Variants in DLGAP2 observed in about 807,000 individuals in gnomAD.
DLGAP2 encodes the protein DLG associated protein 2, also known as disks large-associated protein 2.
A neutral mutation model predicts 100.3 loss-of-function variants in DLGAP2; 26 were observed. That is an observed-to-expected ratio of 0.26 (90% CI 0.19 to 0.36). The LOEUF (loss-of-function observed/expected upper bound fraction) is 0.36, where lower values mean the gene tolerates loss of function less well. Ranked by LOEUF, DLGAP2 falls within the 10% of genes least tolerant of loss-of-function variation. DLGAP2 has a pLI of 1.00. For synonymous variants in DLGAP2, 886 were observed against 630.1 expected, an observed-to-expected ratio of 1.41 and a Z score of -6.08; for missense variants, 1,858 against 1,453.2, an observed-to-expected ratio of 1.28 and a Z score of -4.53.
chr8:1,022,763 G>C (rs958128968), intron 2 of DLGAP2, among the ~76,000 whole-genome samples: 2 of 151,148 alleles, frequency 1.3e-5, no homozygotes, highest in Non-Finnish European at 3.0e-5. Flanking sequence ...CCCTCCCTGG[G>C]AGTGGACAGT....
intron 3 of DLGAP2, among the ~76,000 whole-genome samples, chr8:1,268,110 G>C (rs1332601285): frequency 6.6e-6 from 1 of 152,142 alleles, no homozygotes; most frequent in Admixed American, 6.5e-5. Context: ...ATAAACCCTA[G>C]TTTGCAAATT....
chr8:1,389,413 G>A (rs1232831934), intron 3 of DLGAP2, among the ~76,000 whole-genome samples: 1 of 152,098 alleles, frequency 6.6e-6, no homozygotes, highest in Non-Finnish European at 1.5e-5. Context: ...GGCGAAGCTT[G>A]GAATGATAAC....
chr8:1,297,729 C>T (rs555843204), intron 3 of DLGAP2, among the ~76,000 whole-genome samples: 6 of 116,104 alleles, frequency 5.2e-5, no homozygotes, highest in African/African-American at 1.8e-4. Context: ...ACGTGGCAGG[C>T]GTGAACAGAC....
chr8:1,329,916 C>T (rs573720539), intron 3 of DLGAP2, among the ~76,000 whole-genome samples: 166 of 152,320 alleles, frequency 1.1e-3, no homozygotes, highest in African/African-American at 3.4e-3. Context: ...AAGCTGCAGC[C>T]GCCCTGCCGT....
intron 1 of DLGAP2, among the ~76,000 whole-genome samples, chr8:876,873 C>T (rs1797695238): frequency 1.3e-5 from 2 of 151,786 alleles, no homozygotes; most frequent in Admixed American, 1.3e-4. Flanking sequence ...ATCTGTTTTG[C>T]AGTTTGCTTA....
At chr8:959,378 A>C (rs2129009559) in intron 2 of DLGAP2, among the ~76,000 whole-genome samples, 1 of 152,328 alleles carries the variant, frequency 6.6e-6, no homozygotes, top group South Asian at 2.1e-4. Flanking sequence ...TGGGTCCCTC[A>C]GAGAAACGGC....
intron 3 of DLGAP2, among the ~76,000 whole-genome samples, chr8:1,291,777 G>C (rs4141053): frequency 0.18 from 27,317 of 152,048 alleles, 2,998 homozygotes; most frequent in East Asian, 0.25. Flanking sequence ...GCCCCCGGGG[G>C]CCAGTTTTCA....
rs530541724 is a variant in DLGAP2 at position 1,364,461 on chromosome 8, C to T, written c.106+105578C>T. On this transcript the variant is annotated intron_variant, in intron 3 of 14. Coordinates refer to ENST00000637795, the MANE Select transcript of DLGAP2 (RefSeq NM_001346810.2). ...GGAACCCCAGATTCTGGTGAAAGGG[C>T]ACCGCTGCGAGAGGGAGGCGGGCGC... Among the ~76,000 whole-genome samples, 9 of 150,696 alleles carry T rather than the reference C, an allele frequency of 6.0e-5. No individual in the cohort carries two copies. The East Asian group carries it at 1.8e-3, about 30-fold the overall frequency.
At chr8:1,329,110 G>C (rs1202731593) in intron 3 of DLGAP2, among the ~76,000 whole-genome samples, 1 of 152,264 alleles carries the variant, frequency 6.6e-6, no homozygotes, top group East Asian at 1.9e-4. Flanking sequence ...GGGAAGAAAA[G>C]TCTTCAGAAG....
At chr8:1,120,712 C>T (rs553411925) in intron 2 of DLGAP2, among the ~76,000 whole-genome samples, 7 of 151,906 alleles carry the variant, frequency 4.6e-5, no homozygotes, top group South Asian at 2.1e-4. Context: ...AATCCGTTAC[C>T]GCCCATTCTA....
chr8:737,701 G>C lies in DLGAP2; in HGVS notation c.-107G>C. ...GCGGCGGCGAACGGACGGACGGACC[G>C]CGGACGGACGTACTGACCCCAACCC... On this transcript the variant is annotated 5_prime_UTR_variant, in exon 1 of 15. Coordinates refer to ENST00000637795, the MANE Select transcript of DLGAP2 (RefSeq NM_001346810.2). 2.7e-6 allele frequency: 1 copy of C among 370,306 alleles called. No homozygotes were observed. The highest frequency in any genetic ancestry group is 4.8e-6 in the Non-Finnish European group (1 of 207,674). 22.9% of individuals were successfully genotyped at this position (370,306 alleles called of 1,614,324 possible).
chr8:1,602,183 A>G (rs944636059), intron 6 of DLGAP2, among the ~76,000 whole-genome samples: 1 of 152,208 alleles, frequency 6.6e-6, no homozygotes, highest in African/African-American at 2.4e-5. Flanking sequence ...TTCGATATTA[A>G]TGTTTGTTGA....
At chr8:1,498,797 G>T (rs1003884795) in intron 3 of DLGAP2, among the ~76,000 whole-genome samples, 1 of 152,202 alleles carries the variant, frequency 6.6e-6, no homozygotes, top group South Asian at 2.1e-4. Flanking sequence ...CAAGAAGGGG[G>T]TGCTGCCCTG....
chr8:1,670,201 C>T (rs193121986), intron 10 of DLGAP2, among the ~76,000 whole-genome samples: 48 of 152,342 alleles, frequency 3.2e-4, no homozygotes, highest in Admixed American at 2.6e-3. Context: ...GAGGCAGTGC[C>T]AACTTCTAAG....
intron 3 of DLGAP2, among the ~76,000 whole-genome samples, chr8:1,272,574 C>T (rs1028343799): frequency 2.6e-5 from 4 of 151,994 alleles, no homozygotes; most frequent in Non-Finnish European, 5.9e-5. Flanking sequence ...ACATTTTAAA[C>T]TTTGTTTTAT....
intron 3 of DLGAP2, among the ~76,000 whole-genome samples, chr8:1,317,463 G>A (rs1380205418): frequency 7.0e-6 from 1 of 143,578 alleles, no homozygotes; most frequent in South Asian, 2.2e-4. Context: ...GAGGCTGTGC[G>A]AGTGCAGCGT....
At chr8:1,183,138 G>A (rs75631888) in intron 2 of DLGAP2, among the ~76,000 whole-genome samples, 5,791 of 152,054 alleles carry the variant, frequency 0.038, 417 homozygotes, top group African/African-American at 0.13. Flanking sequence ...TGTGGGTGGG[G>A]CAGGGAAACA....
chr8:1,284,581 T>C (rs1188562393), intron 3 of DLGAP2, among the ~76,000 whole-genome samples: 1 of 152,160 alleles, frequency 6.6e-6, no homozygotes, highest in African/African-American at 2.4e-5. Flanking sequence ...TGCTCTTCTG[T>C]CCATCACAAC....
intron 1 of DLGAP2, among the ~76,000 whole-genome samples, chr8:789,124 C>T (rs1277536299): frequency 6.6e-6 from 1 of 152,210 alleles, no homozygotes; most frequent in Non-Finnish European, 1.5e-5. Context: ...CAAATATTTT[C>T]TCCCTGTCTA....
Sources: gnomAD v4.1 joint callset for allele counts (sites outside exome capture counted in the v4.1 genomes callset) on GRCh38, gnomAD v4.1.1 for gene constraint, MANE v1.5 for transcripts, NCBI Gene and HGNC (gene_info 2026-07-23, HGNC 2026-07-21) for gene names.